AGBL4: variants seen among roughly 807,000 people sequenced by gnomAD.
The protein encoded by AGBL4 is AGBL carboxypeptidase 4, also known as cytosolic carboxypeptidase 6.
In AGBL4, 58 loss-of-function variants were observed where a neutral mutation model predicts 66.4. That is an observed-to-expected ratio of 0.87 (90% CI 0.71 to 1.09). AGBL4 has a LOEUF of 1.09. AGBL4 is among the 50% of genes least tolerant of loss of function. AGBL4 has a pLI of 0.00. For synonymous variants in AGBL4, 234 were observed against 222.9 expected (o/e 1.05, Z -0.44); for missense variants, 579 against 631.0 (o/e 0.92, Z 0.88).
chr1:49,042,490 C>G (rs1304394184), intron 5 of AGBL4, among the ~76,000 whole-genome samples: 1 of 152,190 alleles, frequency 6.6e-6, no homozygotes, highest in Non-Finnish European at 1.5e-5. Context: ...CATTTCTTTT[C>G]CTTCCTTTAG....
intron 3 of AGBL4, among the ~76,000 whole-genome samples, chr1:49,283,065 G>T (rs1263482756): frequency 1.3e-5 from 2 of 152,224 alleles, no homozygotes; most frequent in Non-Finnish European, 2.9e-5. Flanking sequence ...ACCTCTGGGG[G>T]CAGGGCACAG....
chr1:48,888,199 A>G (rs1435467807), intron 5 of AGBL4, among the ~76,000 whole-genome samples: 1 of 152,168 alleles, frequency 6.6e-6, no homozygotes, highest in Non-Finnish European at 1.5e-5. Context: ...AGGTCTTTAC[A>G]ATTCCAAAAT....
rs35736973 is a variant in AGBL4, at chr1:48,601,564, T to C, written c.952-10579A>G. ...GAGCTTGGGGACAAGCTTACATATA[T>C]GTACATTTCTTCCTTGTTCAATATG... On this transcript the variant is annotated intron_variant, in intron 9 of 13. Transcript: ENST00000371839. Among the ~76,000 whole-genome samples the C allele has an allele frequency of 9.3e-3, 1,422 of 152,324 alleles. 10 individuals are homozygous for C. Among genetic ancestry groups the C allele is most frequent in the Non-Finnish European group, 0.014 (981 of 68,028 alleles).
chr1:49,559,327 A>G (rs1643978233), intron 3 of AGBL4, among the ~76,000 whole-genome samples: 1 of 152,170 alleles, frequency 6.6e-6, no homozygotes, highest in Admixed American at 6.5e-5. Flanking sequence ...CTATCAAGGC[A>G]GTACCCTCTA....
At chr1:48,701,544 C>A (rs547133293) in intron 6 of AGBL4, among the ~76,000 whole-genome samples, 23 of 152,114 alleles carry the variant, frequency 1.5e-4, no homozygotes, top group African/African-American at 4.8e-4. Context: ...GCCATCATGG[C>A]GCACTGCAGC....
intron 3 of AGBL4, among the ~76,000 whole-genome samples, chr1:49,327,637 T>C (rs1645252215): frequency 6.6e-6 from 1 of 152,136 alleles, no homozygotes; most frequent in Non-Finnish European, 1.5e-5. Flanking sequence ...AAAAGCAAGG[T>C]AGTGCTCCCT....
intron 1 of AGBL4, among the ~76,000 whole-genome samples, chr1:49,881,303 G>C (rs980771706): frequency 3.2e-4 from 49 of 152,244 alleles, no homozygotes; most frequent in Admixed American, 1.0e-3. Flanking sequence ...GGACATTTGG[G>C]TTGGTTCCAA....
chr1:48,834,532 A>C (rs1646632315), intron 6 of AGBL4, among the ~76,000 whole-genome samples: 1 of 151,984 alleles, frequency 6.6e-6, no homozygotes, highest in African/African-American at 2.4e-5. Context: ...GGCCCTCATG[A>C]TGGGATTAAT....
At chr1:49,329,363 T>G (rs1570446889) in intron 3 of AGBL4, among the ~76,000 whole-genome samples, 1 of 150,706 alleles carries the variant, frequency 6.6e-6, no homozygotes, top group African/African-American at 2.4e-5. Context: ...TCTCCCAACT[T>G]AAAAAAATAA....
chr1:49,423,037 A>G (rs1475033163), intron 3 of AGBL4: 1 of 152,204 alleles, frequency 6.6e-6, no homozygotes, highest in Non-Finnish European at 1.5e-5. Flanking sequence ...TCTAAGCCCA[A>G]TCTTCCACAT....
chr1:49,654,398 C>T (rs1646074523), intron 3 of AGBL4, among the ~76,000 whole-genome samples: 1 of 152,116 alleles, frequency 6.6e-6, no homozygotes, highest in African/African-American at 2.4e-5. Flanking sequence ...AATGTATATT[C>T]TGTTGATTTG....
intron 3 of AGBL4, among the ~76,000 whole-genome samples, chr1:49,553,921 T>A (rs780113122): frequency 1.4e-4 from 22 of 152,190 alleles, no homozygotes; most frequent in Non-Finnish European, 2.5e-4. Flanking sequence ...GGAGGATCCC[T>A]TGAAGCAGGA....
At chr1:49,405,552 C>T (rs1425666267) in intron 3 of AGBL4, among the ~76,000 whole-genome samples, 30 of 152,092 alleles carry the variant, frequency 2.0e-4, no homozygotes. Context: ...ACCATGCTGC[C>T]ACTGCTGCTG....
intron 1 of AGBL4, among the ~76,000 whole-genome samples, chr1:50,000,355 C>T (rs1227361157): frequency 3.3e-5 from 5 of 152,024 alleles, no homozygotes; most frequent in Admixed American, 2.6e-4. Flanking sequence ...TAATGCAAAT[C>T]GAAACCACAA....
At chr1:49,425,656 T>C (rs558372015) in intron 3 of AGBL4, among the ~76,000 whole-genome samples, 5 of 152,296 alleles carry the variant, frequency 3.3e-5, no homozygotes, top group Non-Finnish European at 7.3e-5. Flanking sequence ...TGCTCATACA[T>C]ATTAATTACT....
chr1:49,239,828 G>A (rs1651075779), intron 4 of AGBL4, among the ~76,000 whole-genome samples: 1 of 151,922 alleles, frequency 6.6e-6, no homozygotes, highest in Admixed American at 6.6e-5. Flanking sequence ...CAGCAGAGGG[G>A]GAGACAGATA....
Position 49,410,993 on chromosome 1 carries a change from T to C in AGBL4, c.283-165129A>G, listed in dbSNP as rs116767944. 6.5e-3 allele frequency among the ~76,000 whole-genome samples: 997 copies of C among 152,246 alleles called. 6 individuals carry two copies. The highest frequency in any genetic ancestry group is 0.014 in the Middle Eastern group (4 of 294). ...CCACAACTAATAGGATATATGTATA[T>C]ATGCAAGGGAGTTTATTAAGGAGAA... On this transcript the variant is annotated intron_variant, in intron 3 of 13. Coordinates refer to ENST00000371839, the MANE Select transcript of AGBL4 (RefSeq NM_032785.4).
At chr1:49,439,610 C>A (rs1307367602) in intron 3 of AGBL4, among the ~76,000 whole-genome samples, 1 of 152,160 alleles carries the variant, frequency 6.6e-6, no homozygotes, top group Non-Finnish European at 1.5e-5. Flanking sequence ...ACACCTGAGT[C>A]AGTGGGCTGG....
intron 3 of AGBL4, among the ~76,000 whole-genome samples, chr1:49,605,082 AAAATTGTGGGTCC>A (rs1645038338): frequency 6.6e-6 from 1 of 152,156 alleles, no homozygotes; most frequent in Admixed American, 6.6e-5. Flanking sequence ...TACCTATTAG[AAAATTGTGGGTCC>A]AAAAGGTTAG....
Sources: gnomAD v4.1 joint callset for allele counts (sites outside exome capture counted in the v4.1 genomes callset) on GRCh38, gnomAD v4.1.1 for gene constraint, MANE v1.5 for transcripts, NCBI Gene and HGNC (gene_info 2026-07-23, HGNC 2026-07-21) for gene names.